NELL1: variants seen among roughly 807,000 people sequenced by gnomAD.
NELL1 encodes the protein protein kinase C-binding protein NELL1.
Under a neutral mutation model 107.4 loss-of-function variants are expected in NELL1, and 76 were observed. The observed-to-expected ratio is 0.71, with a 90% CI of 0.59 to 0.86. The LOEUF (loss-of-function observed/expected upper bound fraction) is 0.86. NELL1 is among the 40% of genes least tolerant of loss of function. The probability of loss-of-function intolerance (pLI) is 0.00; values close to 1 mark genes in which losing one functional copy is unlikely to be tolerated. For missense variants in NELL1, 1,024 were observed against 1,005.5 expected, an observed-to-expected ratio of 1.02 and a Z score of -0.25; for synonymous variants, 353 against 341.2, an observed-to-expected ratio of 1.03 and a Z score of -0.38.
chr11:21,013,844 A>G (rs1269248838), intron 12 of NELL1, among the ~76,000 whole-genome samples: 2 of 151,998 alleles, frequency 1.3e-5, no homozygotes, highest in Non-Finnish European at 2.9e-5. Context: ...TTTAGTCATT[A>G]TGTTTCCTTA....
At position 21,235,682 on chromosome 11, in the gene NELL1, A is replaced by G. The variant is rs1858188638; in HGVS notation, c.1549+6228A>G. Among the ~76,000 whole-genome samples the G allele has an allele frequency of 2.6e-5, 4 of 152,180 alleles. No individual in the cohort carries two copies. In the South Asian group the frequency reaches 8.3e-4, roughly 31 times the overall value. On this transcript the variant is annotated intron_variant, in intron 14 of 19. Coordinates refer to ENST00000357134, the MANE Select transcript of NELL1 (RefSeq NM_006157.5). ...AAGCGTAAAGACAAGATTGATGTGA[A>G]CATGGATGACAAAAATCCCTTTTAA...
At chr11:20,864,206 GTATT>G (rs1849053031) in intron 4 of NELL1, among the ~76,000 whole-genome samples, 1 of 152,176 alleles carries the variant, frequency 6.6e-6, no homozygotes, top group Admixed American at 6.5e-5. Flanking sequence ...AAAATTGTAT[GTATT>G]TATTGTGTAG....
chr11:21,185,975 C>T (rs184570377), intron 13 of NELL1, among the ~76,000 whole-genome samples: 2 of 151,870 alleles, frequency 1.3e-5, no homozygotes, highest in Admixed American at 1.3e-4. Context: ...TAGAAAGGGA[C>T]TGAAACCAAG....
At chr11:21,229,490 C>A in intron 14 of NELL1, 36 bp downstream of exon 14, 2 of 1,611,850 alleles carry the variant, frequency 1.2e-6, no homozygotes, top group Non-Finnish European at 1.7e-6. Context: ...TTGTGAGCAG[C>A]CATTCTGCCT....
chr11:21,284,558 A>G (rs1849072149), intron 14 of NELL1: 1 of 457,468 alleles, frequency 2.2e-6, no homozygotes, highest in Non-Finnish European at 4.4e-6. Context: ...AGAATGCCAC[A>G]ATGCAGTGAG....
chr11:21,123,020 T>C (rs919426295), intron 13 of NELL1, among the ~76,000 whole-genome samples: 11 of 152,150 alleles, frequency 7.2e-5, no homozygotes, highest in Admixed American at 5.2e-4. Context: ...GATCTCAAAA[T>C]GGTGAAGTTA....
chr11:21,441,750 G>A (rs997999757), intron 15 of NELL1, among the ~76,000 whole-genome samples: 3 of 150,850 alleles, frequency 2.0e-5, no homozygotes, highest in Non-Finnish European at 4.5e-5. Flanking sequence ...GATAAGGTCT[G>A]ACATCAGTAG....
intron 14 of NELL1, among the ~76,000 whole-genome samples, chr11:21,313,875 T>C (rs1849804307): frequency 6.6e-6 from 1 of 152,046 alleles, no homozygotes; most frequent in African/African-American, 2.4e-5. Context: ...GAGAGGTGAT[T>C]GCATCATGGC....
At chr11:20,976,130 T>C (rs899656369) in intron 12 of NELL1, among the ~76,000 whole-genome samples, 2 of 108,068 alleles carry the variant, frequency 1.9e-5, no homozygotes, top group African/African-American at 7.9e-5. Flanking sequence ...GTATTATGTA[T>C]ACACATGTAC....
At chr11:21,101,336 T>C (rs1241179047) in intron 12 of NELL1, among the ~76,000 whole-genome samples, 2 of 152,328 alleles carry the variant, frequency 1.3e-5, no homozygotes, top group Admixed American at 1.3e-4. Context: ...TGATTTATAA[T>C]CCTTTGGGTA....
chr11:21,438,302 A>G (rs1217132937), intron 15 of NELL1, among the ~76,000 whole-genome samples: 3 of 151,798 alleles, frequency 2.0e-5, no homozygotes, highest in Middle Eastern at 3.2e-3. Flanking sequence ...CTTTGAATAT[A>G]TTATACCATC....
At chr11:20,976,158 CACACATTATATCTGT>C (rs879849318) in intron 12 of NELL1, among the ~76,000 whole-genome samples, 17,327 of 134,378 alleles carry the variant, frequency 0.13, 2,279 homozygotes, top group Middle Eastern at 0.22. Flanking sequence ...TATATATATA[CACACATTATATCTGT>C]ACATATATAT....
chr11:21,095,475 G>A (rs1285816423), intron 12 of NELL1, among the ~76,000 whole-genome samples: 1 of 152,124 alleles, frequency 6.6e-6, no homozygotes, highest in East Asian at 1.9e-4. Context: ...GTATTAGTTT[G>A]TTTTCATGCT....
At chr11:21,443,252 T>A (rs774013449) in intron 15 of NELL1, among the ~76,000 whole-genome samples, 3 of 152,154 alleles carry the variant, frequency 2.0e-5, no homozygotes, top group Non-Finnish European at 4.4e-5. Context: ...ATTCCTGTGA[T>A]TATGGCAAAT....
chr11:20,814,767 C>T (rs1857586561), intron 3 of NELL1, among the ~76,000 whole-genome samples: 1 of 152,048 alleles, frequency 6.6e-6, no homozygotes, highest in African/African-American at 2.4e-5. Flanking sequence ...AACTTGTGAG[C>T]TCATGTGTCT....
intron 14 of NELL1, among the ~76,000 whole-genome samples, chr11:21,258,159 G>A (rs1485736136): frequency 3.3e-5 from 5 of 152,016 alleles, no homozygotes; most frequent in Non-Finnish European, 7.4e-5. Flanking sequence ...TTATCTGAGA[G>A]TGAGAAAAAA....
chr11:20,936,088 G>T (rs1850719081), intron 9 of NELL1, among the ~76,000 whole-genome samples: 1 of 152,140 alleles, frequency 6.6e-6, no homozygotes, highest in South Asian at 2.1e-4. Context: ...GGAATGAGGT[G>T]GTGAAGGAAG....
intron 2 of NELL1, among the ~76,000 whole-genome samples, chr11:20,694,209 A>C (rs949655316): frequency 6.6e-6 from 1 of 151,936 alleles, no homozygotes; most frequent in Non-Finnish European, 1.5e-5. Flanking sequence ...AAAGTTTTCA[A>C]CTTCTTTGCC....
chr11:20,786,358 A>AAAAG (rs1268583811), intron 3 of NELL1, among the ~76,000 whole-genome samples: 4 of 151,820 alleles, frequency 2.6e-5, no homozygotes, highest in African/African-American at 9.7e-5. Context: ...CTCAAAAAAA[A>AAAAG]AAAGAAAAAA....
Sources: gnomAD v4.1 joint callset for allele counts (sites outside exome capture counted in the v4.1 genomes callset) on GRCh38, gnomAD v4.1.1 for gene constraint, MANE v1.5 for transcripts, NCBI Gene and HGNC (gene_info 2026-07-23, HGNC 2026-07-21) for gene names.